Variants in SHMT1 observed in about 807,000 individuals in gnomAD.
The protein encoded by SHMT1 is serine hydroxymethyltransferase 1.
A neutral mutation model predicts 49.0 loss-of-function variants in SHMT1; 45 were observed. The ratio of observed to expected loss-of-function variants is 0.92; its 90% CI spans 0.72 to 1.18. The LOEUF (loss-of-function observed/expected upper bound fraction) is 1.18, where lower values mean the gene tolerates loss of function less well. Ranked by LOEUF, SHMT1 falls within the 50% of genes most tolerant of loss-of-function variation. SHMT1 has a pLI of 0.00. For missense variants in SHMT1, 541 were observed against 612.4 expected (o/e 0.88, Z 1.23); for synonymous variants, 232 against 246.6 (o/e 0.94, Z 0.55).
intron 1 of SHMT1, among the ~76,000 whole-genome samples, chr17:18,359,555 G>A (rs1201894962): frequency 6.6e-6 from 1 of 151,470 alleles, no homozygotes; most frequent in East Asian, 1.9e-4. Flanking sequence ...ACACACCTGA[G>A]GCATGAGACT....
At chr17:18,357,822 A>G (rs909916856) in intron 1 of SHMT1, among the ~76,000 whole-genome samples, 12 of 149,350 alleles carry the variant, frequency 8.0e-5, no homozygotes, top group African/African-American at 3.0e-4. Flanking sequence ...TTAGCTGGGC[A>G]TGGTGGGATG....
intron 7 of SHMT1, among the ~76,000 whole-genome samples, chr17:18,338,643 G>A (rs1426112749): frequency 6.6e-6 from 1 of 152,238 alleles, no homozygotes; most frequent in East Asian, 1.9e-4. Context: ...GGAAAAGATA[G>A]AGAAATCAGA....
chr17:18,354,440 AC>A (rs1309716826), intron 2 of SHMT1, among the ~76,000 whole-genome samples: 9 of 151,170 alleles, frequency 6.0e-5, no homozygotes, highest in African/African-American at 2.2e-4. Context: ...AAACAAAAAA[AC>A]AAAACTTAGA....
chr17:18,353,387 G>T (rs1166652615), intron 3 of SHMT1: 31 of 443,448 alleles, frequency 7.0e-5, no homozygotes, highest in Non-Finnish European at 1.3e-4. Context: ...CTAGACAGAG[G>T]CCACACACCA....
chr17:18,345,623 C>T (rs1985007302), intron 5 of SHMT1, among the ~76,000 whole-genome samples: 2 of 152,002 alleles, frequency 1.3e-5, no homozygotes, highest in South Asian at 4.1e-4. Context: ...GATCCGCCTG[C>T]CTCAGCCTCC....
intron 9 of SHMT1, chr17:18,331,023 A>G (rs1163057519): frequency 1.1e-5 from 4 of 369,108 alleles, no homozygotes; most frequent in African/African-American, 2.1e-5. Flanking sequence ...CAGCATGAAT[A>G]TTGGGCAGCA....
intron 5 of SHMT1, among the ~76,000 whole-genome samples, chr17:18,346,530 G>A (rs1362687866): frequency 2.0e-5 from 3 of 152,160 alleles, no homozygotes; most frequent in Admixed American, 2.0e-4. Context: ...GATGGTGTTG[G>A]TTCCACTGCT....
chr17:18,330,103 T>A (rs747532991), intron 10 of SHMT1, among the ~76,000 whole-genome samples: 3 of 151,778 alleles, frequency 2.0e-5, no homozygotes, highest in Non-Finnish European at 4.4e-5. Context: ...CCTCCCAAAG[T>A]GCTGGGATTA....
chr17:18,334,959 G>T (rs929536947), intron 8 of SHMT1, among the ~76,000 whole-genome samples: 2 of 152,232 alleles, frequency 1.3e-5, no homozygotes, highest in Non-Finnish European at 2.9e-5. Flanking sequence ...CGTCTCCTGA[G>T]AAGCTACACC....
chr17:18,359,243 GAA>G (rs112738219), intron 1 of SHMT1, among the ~76,000 whole-genome samples: 3 of 131,590 alleles, frequency 2.3e-5, no homozygotes, highest in Non-Finnish European at 4.9e-5. Flanking sequence ...GTCTCCAGGG[GAA>G]AAAAAAAAAA....
chr17:18,329,966 ATTC>A (rs1373665352), intron 10 of SHMT1, among the ~76,000 whole-genome samples: 2 of 151,938 alleles, frequency 1.3e-5, no homozygotes, highest in Admixed American at 6.6e-5. Flanking sequence ...GGTTCAAGCA[ATTC>A]TTCTGCCTCA....
intron 8 of SHMT1, among the ~76,000 whole-genome samples, chr17:18,333,968 T>C (rs1163060182): frequency 6.6e-6 from 1 of 151,664 alleles, no homozygotes; most frequent in Non-Finnish European, 1.5e-5. Flanking sequence ...AGATGGAGTC[T>C]CGCTCTGTCG....
intron 5 of SHMT1, among the ~76,000 whole-genome samples, chr17:18,344,579 A>AAG (rs1227513706): frequency 1.4e-5 from 2 of 138,502 alleles, no homozygotes; most frequent in African/African-American, 3.2e-5. Context: ...AATTACCGGA[A>AAG]AAAAAAAAAA....
In SHMT1 at chr17:18,333,280, C is replaced by T. The variant is rs1331681068; in HGVS notation, c.940G>A (p.Val314Met). The T allele has an allele frequency of 1.2e-6, 2 of 1,613,402 alleles. No individual in the cohort carries two copies. Among genetic ancestry groups the T allele is most frequent in the Non-Finnish European group, 8.5e-7 (1 of 1,179,968 alleles). ...AGAGTCATAGCTTGCTTCAGTGCCACAGCAACCCCTGGACAAGAAGAGACA... is the reference window on the plus strand; with the variant it reads ...AGAGTCATAGCTTGCTTCAGTGCCATAGCAACCCCTGGACAAGAAGAGACA... ...PHNHAIAGVA[V>M]ALKQAMTLEF... Residue 314 changes from valine (V) to methionine (M), a missense_variant, in exon 9 of 12, where the codon GTG becomes ATG. Coordinates refer to ENST00000316694, the MANE Select transcript of SHMT1 (RefSeq NM_004169.5).
At chr17:18,330,866 C>G in intron 9 of SHMT1, 195 bp from the exon 10 acceptor site, 1 of 636,288 alleles carries the variant, frequency 1.6e-6, no homozygotes, top group South Asian at 1.6e-5. Context: ...GGACAGAGCA[C>G]TTTTGAAAGG....
intron 8 of SHMT1, among the ~76,000 whole-genome samples, chr17:18,334,912 G>A (rs145723727): frequency 2.8e-4 from 42 of 152,278 alleles, no homozygotes; most frequent in African/African-American, 8.9e-4. Flanking sequence ...TCTCCCAATC[G>A]CTGCTGTCCC....
intron 2 of SHMT1, among the ~76,000 whole-genome samples, chr17:18,355,154 G>A (rs1986112890): frequency 6.7e-6 from 1 of 148,330 alleles, no homozygotes; most frequent in Admixed American, 6.9e-5. Context: ...CGGATCACGA[G>A]GTCAGGAGAT....
At chr17:18,346,844 C>T (rs543129560) in intron 5 of SHMT1, among the ~76,000 whole-genome samples, 1 of 152,150 alleles carries the variant, frequency 6.6e-6, no homozygotes, top group South Asian at 2.1e-4. Flanking sequence ...GAATACTGTA[C>T]TGAAACTGAA....
In SHMT1 at chr17:18,340,549, C is replaced by T. The variant is rs1984384295; in HGVS notation, c.601+183G>A. Reference sequence around the variant, plus strand: ...GTCTCACATCTTAATCTACATAGCACAAAAAGCAGCAAACACACATCTGTA... The same window carrying T: ...GTCTCACATCTTAATCTACATAGCATAAAAAGCAGCAAACACACATCTGTA... On this transcript the variant is annotated intron_variant, in intron 6 of 11. Transcript: ENST00000316694. The surrounding 1 kb of genome is among the most constrained non-coding windows in gnomAD (Gnocchi z 4.5). 1.4e-6 allele frequency: 1 copy of T among 706,440 alleles called. No individual in the cohort carries two copies. Among genetic ancestry groups the T allele is most frequent in the South Asian group, 1.5e-5 (1 of 65,426 alleles). The allele number at this position is 706,440 out of a possible 1,614,324, so 43.8% of individuals were successfully genotyped here. A position where few individuals can be genotyped will look rare whatever the true frequency, so the allele number is the denominator to read the frequency against.
Sources: allele counts gnomAD v4.1 joint callset (sites outside exome capture counted in the v4.1 genomes callset), GRCh38; gene constraint gnomAD v4.1.1; non-coding constraint Gnocchi (gnomAD v3.1); transcripts MANE v1.5; gene names NCBI Gene and HGNC (gene_info 2026-07-23, HGNC 2026-07-21).